The following WAC variants were observed in gnomAD, a reference collection of about 807,000 sequenced individuals.
WAC encodes WW domain-containing adapter protein with coiled-coil.
A neutral mutation model predicts 79.6 loss-of-function variants in WAC; 11 were observed. That is an observed-to-expected ratio of 0.14 (90% confidence interval 0.09 to 0.23). WAC has a LOEUF of 0.23. WAC is among the 10% of genes least tolerant of loss of function. The probability of loss-of-function intolerance (pLI) is 1.00; values close to 1 mark genes in which losing one functional copy is unlikely to be tolerated. For missense variants in WAC, 728 were observed against 773.5 expected, an observed-to-expected ratio of 0.94 and a Z score of 0.70; for synonymous variants, 304 against 276.9, an observed-to-expected ratio of 1.10 and a Z score of -0.97.
Position 28,604,562 on chromosome 10 carries a change from T to C in WAC, c.920-3624T>C, listed in dbSNP as rs534479610. Among the ~76,000 whole-genome samples, 53 of 152,132 alleles carry C rather than the reference T, an allele frequency of 3.5e-4. No homozygotes were observed. In the East Asian group the frequency reaches 6.8e-3, roughly 19 times the overall value. ...GCTTGGCCAATATGGCAAAATCCCA[T>C]CTCTACTAAAAATACAAAAAATTCG... On this transcript the variant is annotated intron_variant, in intron 7 of 13. Transcript: ENST00000354911.
intron 7 of WAC, among the ~76,000 whole-genome samples, chr10:28,602,799 C>G (rs947738136): frequency 6.6e-6 from 1 of 152,160 alleles, no homozygotes; most frequent in Non-Finnish European, 1.5e-5. Context: ...GAGGTTATAG[C>G]AACAGATTTT....
intron 4 of WAC, chr10:28,588,833 TATC>T (rs779453063): frequency 1.3e-5 from 2 of 152,220 alleles, no homozygotes; most frequent in Non-Finnish European, 2.9e-5. Flanking sequence ...GTAATTTGCA[TATC>T]ATCTCATTTA....
intron 3 of WAC, among the ~76,000 whole-genome samples, chr10:28,550,506 A>G (rs1229389575): frequency 6.6e-6 from 1 of 151,800 alleles, no homozygotes; most frequent in Non-Finnish European, 1.5e-5. Flanking sequence ...TGCCTGCTAC[A>G]CTTTGAGCTC....
rs533796058 is a variant in WAC at position 28,534,641 on chromosome 10, A to G, written c.78+607A>G. 3.5e-4 allele frequency among the ~76,000 whole-genome samples: 53 copies of G among 152,346 alleles called. No homozygotes were observed. The East Asian group carries it at 6.7e-3, about 19-fold the overall frequency. ...TGGGTTCCTTTTTGTTACTGCAGTC[A>G]TTGTGTGTGAAGTTCTAAGGATTAT... is the stretch of plus-strand genomic sequence containing the variant. On this transcript the variant is annotated intron_variant, in intron 2 of 13. Coordinates refer to ENST00000354911, the MANE Select transcript of WAC (RefSeq NM_016628.5).
At chr10:28,542,931 G>A (rs1256163372) in intron 3 of WAC, among the ~76,000 whole-genome samples, 2 of 152,236 alleles carry the variant, frequency 1.3e-5, no homozygotes, top group Non-Finnish European at 2.9e-5. Context: ...TCCACCAGAA[G>A]AGGAAGTGAG....
chr10:28,536,862 T>TA (rs962413842), intron 3 of WAC, among the ~76,000 whole-genome samples: 4 of 152,244 alleles, frequency 2.6e-5, no homozygotes, highest in Non-Finnish European at 4.4e-5. Flanking sequence ...TAACATATCT[T>TA]AAGCAGATTT....
intron 3 of WAC, among the ~76,000 whole-genome samples, chr10:28,577,693 A>G (rs545697083): frequency 6.6e-6 from 1 of 152,300 alleles, no homozygotes; most frequent in Admixed American, 6.5e-5. Flanking sequence ...AGAGTATAAT[A>G]ATCTCTGTAA....
intron 3 of WAC, among the ~76,000 whole-genome samples, chr10:28,538,914 C>A (rs34455583): frequency 1.3e-5 from 2 of 149,180 alleles, no homozygotes; most frequent in Admixed American, 6.7e-5. Context: ...AAATTCAAGA[C>A]CATTATCAAA....
chr10:28,580,999 C>A (rs1025620676), intron 3 of WAC, among the ~76,000 whole-genome samples: 2 of 152,032 alleles, frequency 1.3e-5, no homozygotes, highest in Admixed American at 1.3e-4. Flanking sequence ...AGAATTCTTG[C>A]CTAAGAGTCA....
intron 3 of WAC, 49 bp from the exon 4 acceptor site, chr10:28,583,350 C>T: frequency 7.5e-7 from 1 of 1,342,040 alleles, no homozygotes; most frequent in Non-Finnish European, 1.0e-6. Flanking sequence ...TTAGATTAAA[C>T]ATGAAATACA....
chr10:28,533,590 A>C lies in WAC; in HGVS notation c.11A>C (p.Tyr4Ser). MVM[Y>S]ARKQQRLSDG... Reference sequence around the variant, plus strand: ...ACAGGCCGGGCATTGATGGTAATGTATGCGAGGAAACAGCAGAGACTCAGT... The same window carrying C: ...ACAGGCCGGGCATTGATGGTAATGTCTGCGAGGAAACAGCAGAGACTCAGT... Residue 4 changes from tyrosine to serine, a missense_variant, in exon 1 of 14, where the codon TAT (tyrosine) becomes TCT (serine). Around this residue, in one of 3 missense-constraint regions of WAC, gnomAD observed 648 missense variants for 661.5 expected, o/e 0.98. Transcript: ENST00000354911. The C allele has an allele frequency of 6.4e-7, 1 of 1,569,660 alleles. No homozygotes were observed. The highest frequency in any genetic ancestry group is 2.5e-5 in the East Asian group (1 of 40,802).
At chr10:28,567,739 G>C (rs1270254231) in intron 3 of WAC, among the ~76,000 whole-genome samples, 1 of 152,128 alleles carries the variant, frequency 6.6e-6, no homozygotes, top group Admixed American at 6.6e-5. Flanking sequence ...ATTTCAGTGT[G>C]GGCTTTTCTT....
chr10:28,623,094 A>G lies in WAC; in HGVS notation c.*3488A>G, dbSNP rs2132906481. The G allele has an allele frequency of 6.6e-6, 1 of 152,296 alleles. No homozygotes were observed. Among genetic ancestry groups the G allele is most frequent in the Admixed American group, 6.5e-5 (1 of 15,308 alleles). 9.4% of individuals were successfully genotyped at this position (152,296 alleles called of 1,614,324 possible). A position where few individuals can be genotyped will look rare whatever the true frequency, so the allele number is the denominator to read the frequency against. ...TTGAGTAAGGAAATTTAAAATACAG[A>G]TTACTGCTGAGATTTTAATCAGTCG... On this transcript the variant is annotated 3_prime_UTR_variant, in exon 14 of 14. Coordinates refer to ENST00000354911, the MANE Select transcript of WAC (RefSeq NM_016628.5).
chr10:28,579,739 G>A (rs538004202), intron 3 of WAC, among the ~76,000 whole-genome samples: 45 of 152,222 alleles, frequency 3.0e-4, no homozygotes, highest in African/African-American at 1.1e-3. Flanking sequence ...AGAGATACAC[G>A]GAGAAAGTAA....
intron 3 of WAC, among the ~76,000 whole-genome samples, chr10:28,567,232 G>T: frequency 6.8e-6 from 1 of 147,214 alleles, no homozygotes; most frequent in Non-Finnish European, 1.5e-5. Flanking sequence ...AAAGTTTTTG[G>T]TTTCCTGAAA....
At chr10:28,540,080 TTAGA>T (rs1836926774) in intron 3 of WAC, among the ~76,000 whole-genome samples, 1 of 152,188 alleles carries the variant, frequency 6.6e-6, no homozygotes, top group Non-Finnish European at 1.5e-5. Context: ...TTACCGTTGT[TTAGA>T]TGACTTTGAA....
chr10:28,552,592 A>C (rs557818636), intron 3 of WAC, among the ~76,000 whole-genome samples: 13 of 152,330 alleles, frequency 8.5e-5, no homozygotes, highest in African/African-American at 3.1e-4. Flanking sequence ...AATAAAATTT[A>C]AAACTGAAAA....
intron 3 of WAC, among the ~76,000 whole-genome samples, chr10:28,572,600 C>CA (rs1241841498): frequency 1.3e-5 from 2 of 151,742 alleles, no homozygotes; most frequent in Non-Finnish European, 1.5e-5. Flanking sequence ...CACTTGAGGT[C>CA]AGAAGTTCCA....
intron 5 of WAC, 26 bp from the exon 6 acceptor site, chr10:28,590,694 A>G (rs369958813): frequency 1.3e-6 from 2 of 1,536,948 alleles, no homozygotes; most frequent in African/African-American, 1.4e-5. Flanking sequence ...TAATTTTTAT[A>G]TGTTTATCTT....
Sources: gnomAD v4.1 joint callset for allele counts (sites outside exome capture counted in the v4.1 genomes callset) on GRCh38, gnomAD v4.1.1 for gene constraint, gnomAD v4.1.1 regional missense constraint, MANE v1.5 for transcripts, NCBI Gene and HGNC (gene_info 2026-07-23, HGNC 2026-07-21) for gene names.